Variants in PCDHA2 observed in about 807,000 individuals in gnomAD.
PCDHA2 encodes protocadherin alpha 2.
Under a neutral mutation model 66.0 loss-of-function variants are expected in PCDHA2, and 58 were observed. That is an observed-to-expected ratio of 0.88 (90% confidence interval 0.71 to 1.09). The LOEUF (loss-of-function observed/expected upper bound fraction) is 1.09. Ranked by LOEUF, PCDHA2 falls within the 50% of genes least tolerant of loss-of-function variation. The pLI is 0.00. For missense variants in PCDHA2, 1,267 were observed against 1,242.3 expected, an observed-to-expected ratio of 1.02 and a Z score of -0.30; for synonymous variants, 634 against 554.0, an observed-to-expected ratio of 1.14 and a Z score of -2.03.
chr5:140,824,609 A>AGTT (rs1768189003), intron 1 of PCDHA2: 2 of 76,910 alleles, frequency 2.6e-5, no homozygotes, highest in African/African-American at 1.4e-4. Context: ...TGCTAATTAA[A>AGTT]GTTTTTTTTT....
chr5:140,848,925 G>T lies in PCDHA2; in HGVS notation c.2388+51573G>T, dbSNP rs2150425144. ...GACACAAAAGAATCTGTTCATCGCGGAATCCAGGCCGCTTGACTCTCGGTT... is the reference window on the plus strand; with the variant it reads ...GACACAAAAGAATCTGTTCATCGCGTAATCCAGGCCGCTTGACTCTCGGTT... On this transcript the variant is annotated intron_variant, in intron 1 of 3. Transcript: ENST00000526136. 12 of 1,607,696 alleles carry T rather than the reference G, an allele frequency of 7.5e-6. 1 individual carries two copies. The highest frequency in any genetic ancestry group is 1.0e-5 in the Non-Finnish European group (12 of 1,176,962).
At position 140,796,804 on chromosome 5, in the gene PCDHA2, G is replaced by T. The variant is rs143010081; in HGVS notation, c.1840G>T (p.Gly614Cys). The change falls in exon 1 of 4, where the codon GGT (glycine) becomes TGT (cysteine). Residue 614 changes from glycine (G) to cysteine (C), a missense_variant. Gly to Cys is a radical substitution (Grantham distance 159). Coordinates refer to ENST00000526136, the MANE Select transcript of PCDHA2 (RefSeq NM_018905.3). Reference sequence around the variant, plus strand: ...GTGGCTTTCGTACGAGCTTCAGCTGGGTACTGGCAGCGCTCGCATCCCGTT... The same window carrying T: ...GTGGCTTTCGTACGAGCTTCAGCTGTGTACTGGCAGCGCTCGCATCCCGTT... ...NAWLSYELQL[G>C]TGSARIPFRV... The T allele has an allele frequency of 9.7e-4, 1,569 of 1,614,136 alleles. 2 individuals carry two copies. Among genetic ancestry groups the T allele is most frequent in the Non-Finnish European group, 1.3e-3 (1,475 of 1,179,976 alleles).
intron 1 of PCDHA2, among the ~76,000 whole-genome samples, chr5:140,940,236 A>G (rs1487572447): frequency 1.3e-5 from 2 of 152,200 alleles, no homozygotes; most frequent in East Asian, 3.8e-4. Flanking sequence ...TTGGTACATT[A>G]AAGTTACCTC....
chr5:140,870,853 G>C (rs1554164757), intron 1 of PCDHA2: 2 of 1,613,888 alleles, frequency 1.2e-6, no homozygotes, highest in South Asian at 2.2e-5. Context: ...ACCGCGGTCG[G>C]TGGGTGCGGG....
rs782592420 is a variant in PCDHA2, at chr5:140,869,527, A to G, written c.2388+72175A>G. The G allele has an allele frequency of 1.2e-6, 2 of 1,614,186 alleles. No individual in the cohort carries two copies. Among genetic ancestry groups the G allele is most frequent in the African/African-American group, 2.7e-5 (2 of 75,038 alleles). On this transcript the variant is annotated intron_variant, in intron 1 of 3. Coordinates refer to ENST00000526136, the MANE Select transcript of PCDHA2 (RefSeq NM_018905.3). ...CTCGCTCAGAGAACAAAAGCTGCTG[A>G]TTGCGGAATCTAAGCAATCGGACTC...
intron 1 of PCDHA2, chr5:140,928,773 T>A: frequency 6.2e-7 from 1 of 1,614,164 alleles, no homozygotes; most frequent in Non-Finnish European, 8.5e-7. Context: ...TTCTTCCCAC[T>A]GATGCAGTTA....
rs2150220427 is a variant in PCDHA2 at position 140,834,530 on chromosome 5, G to T, written c.2388+37178G>T. 6.8e-6 allele frequency: 11 copies of T among 1,614,068 alleles called. No individual in the cohort carries two copies. In the South Asian group the frequency reaches 1.1e-4, roughly 16 times the overall value. ...ATGGCAACTTCGTGGGCCGCATCGC[G>T]CAGGACCTGGGGCTGGAGCTGGCGG... is the stretch of plus-strand genomic sequence containing the variant. On this transcript the variant is annotated intron_variant, in intron 1 of 3. Coordinates refer to ENST00000526136, the MANE Select transcript of PCDHA2 (RefSeq NM_018905.3).
intron 1 of PCDHA2, chr5:140,808,450 T>C: frequency 6.2e-7 from 1 of 1,614,074 alleles, no homozygotes; most frequent in East Asian, 2.2e-5. Flanking sequence ...TGTCAGCCTA[T>C]GAGCTGGTGG....
At chr5:140,914,542 T>C (rs1323797101) in intron 1 of PCDHA2, among the ~76,000 whole-genome samples, 2 of 152,202 alleles carry the variant, frequency 1.3e-5, no homozygotes, top group Non-Finnish European at 2.9e-5. Context: ...ACTTTATTTC[T>C]TTTTATTGGA....
At chr5:140,962,854 G>A (rs1396651838) in intron 1 of PCDHA2, among the ~76,000 whole-genome samples, 7 of 152,054 alleles carry the variant, frequency 4.6e-5, no homozygotes, top group African/African-American at 9.7e-5. Flanking sequence ...ACTTGTGCTC[G>A]GTTTGTAGAG....
rs549880473 is a variant in PCDHA2, at chr5:140,972,926, T to C, written c.2389-6023T>C. Among the ~76,000 whole-genome samples the C allele has an allele frequency of 9.2e-5, 14 of 152,264 alleles. No individual in the cohort carries two copies. The East Asian group carries it at 2.7e-3, about 29-fold the overall frequency. On this transcript the variant is annotated intron_variant, in intron 1 of 3. Coordinates refer to ENST00000526136, the MANE Select transcript of PCDHA2 (RefSeq NM_018905.3). ...ATCCACCCGCCTTGGCCTCCCAAAG[T>C]GCTGGGATTACAGATGTGAGCCACC...
rs529079699 is a variant in PCDHA2, at chr5:140,984,687, T to C, written c.2536+2124T>C. ...TTAGGTTTTTAGGACTCAATATATGTTCTGCACTGCTTGGAGGGAATATGG... is the reference window on the plus strand; with the variant it reads ...TTAGGTTTTTAGGACTCAATATATGCTCTGCACTGCTTGGAGGGAATATGG... On this transcript the variant is annotated intron_variant, in intron 3 of 3. Transcript: ENST00000526136. Among the ~76,000 whole-genome samples the C allele has an allele frequency of 2.0e-5, 3 of 152,332 alleles. No individual in the cohort carries two copies. The East Asian group carries it at 5.8e-4, about 29-fold the overall frequency.
chr5:140,830,127 C>A (rs2150181512), intron 1 of PCDHA2: 1 of 1,613,466 alleles, frequency 6.2e-7, no homozygotes, highest in East Asian at 2.2e-5. Context: ...CCAAAGGCGT[C>A]ATCACGGGCG....
intron 1 of PCDHA2, chr5:140,850,278 C>T: frequency 6.3e-7 from 1 of 1,595,340 alleles, no homozygotes; most frequent in Non-Finnish European, 8.6e-7. Flanking sequence ...GGGGAAGGTG[C>T]GCGCAGTGGA....
Position 140,925,039 on chromosome 5 carries a change from A to C in PCDHA2, c.2389-53910A>C, listed in dbSNP as rs554229960. ...GATGGGAGGATCGCTTGAGCCCAGA[A>C]GTTTGAGACCAGACTGGGCAACAAA... On this transcript the variant is annotated intron_variant, in intron 1 of 3. Coordinates refer to ENST00000526136, the MANE Select transcript of PCDHA2 (RefSeq NM_018905.3). Among the ~76,000 whole-genome samples the C allele has an allele frequency of 1.1e-4, 16 of 152,028 alleles. 1 individual carries two copies. The highest frequency in any genetic ancestry group is 1.6e-4 in the Non-Finnish European group (11 of 67,960).
intron 1 of PCDHA2, among the ~76,000 whole-genome samples, chr5:140,911,992 A>T (rs904624481): frequency 6.6e-6 from 1 of 152,342 alleles, no homozygotes; most frequent in East Asian, 1.9e-4. Flanking sequence ...ACAAGGTCCC[A>T]CAATAGGCCA....
chr5:140,826,226 T>G (rs1768854046), intron 1 of PCDHA2, among the ~76,000 whole-genome samples: 1 of 152,244 alleles, frequency 6.6e-6, no homozygotes, highest in Admixed American at 6.5e-5. Context: ...AGTTTTGTGA[T>G]ATAAACTATT....
chr5:141,008,375 C>T (rs77600037), intron 3 of PCDHA2, among the ~76,000 whole-genome samples: 2,306 of 152,234 alleles, frequency 0.015, 24 homozygotes, highest in Middle Eastern at 0.031. Flanking sequence ...GTGTTAGATA[C>T]ATAAACATTG....
At chr5:140,935,638 T>G (rs1452378093) in intron 1 of PCDHA2, among the ~76,000 whole-genome samples, 2 of 152,214 alleles carry the variant, frequency 1.3e-5, no homozygotes, top group Admixed American at 6.5e-5. Context: ...TAGGGCTTGC[T>G]TTTTAAATTT....
Sources: gnomAD v4.1 joint callset for allele counts (sites outside exome capture counted in the v4.1 genomes callset) on GRCh38, gnomAD v4.1.1 for gene constraint, MANE v1.5 for transcripts, NCBI Gene and HGNC (gene_info 2026-07-23, HGNC 2026-07-21) for gene names.